The following MIER2 variants were observed in gnomAD, a reference collection of about 807,000 sequenced individuals.
MIER2 encodes the protein MIER family member 2, also known as mesoderm induction early response protein 2.
In MIER2, 30 loss-of-function variants were observed where a neutral mutation model predicts 67.6. That is an observed-to-expected ratio of 0.44 (90% CI 0.33 to 0.60). The LOEUF is 0.60. MIER2 is among the 20% of genes least tolerant of loss of function. The pLI is 0.02. For synonymous variants in MIER2, 372 were observed against 312.6 expected (o/e 1.19, Z -2.00); for missense variants, 702 against 745.1 (o/e 0.94, Z 0.67).
chr19:309,832 A>C (rs938359036), intron 10 of MIER2, among the ~76,000 whole-genome samples: 7 of 129,782 alleles, frequency 5.4e-5, no homozygotes, highest in African/African-American at 2.1e-4. Context: ...GAAGGGACAC[A>C]CACACACACG....
intron 7 of MIER2, 135 bp from the exon 8 acceptor site, chr19:313,778 C>G: frequency 7.9e-7 from 1 of 1,260,002 alleles, no homozygotes; most frequent in Non-Finnish European, 1.1e-6. Flanking sequence ...AAGCCCTGGG[C>G]CGCCATCCCT....
At chr19:339,495 C>A (rs569664116) in intron 1 of MIER2, among the ~76,000 whole-genome samples, 2 of 152,214 alleles carry the variant, frequency 1.3e-5, no homozygotes, top group African/African-American at 4.8e-5. Context: ...TGTGCCCTGC[C>A]GGTGGGAATG....
chr19:329,619 T>C (rs973703034), intron 3 of MIER2, among the ~76,000 whole-genome samples: 5 of 152,200 alleles, frequency 3.3e-5, no homozygotes, highest in Admixed American at 6.5e-5. Flanking sequence ...CCGGGCAGGA[T>C]GGCTCATGCC....
chr19:309,773 G>T (rs1322973233), intron 10 of MIER2, among the ~76,000 whole-genome samples: 2 of 124,770 alleles, frequency 1.6e-5, no homozygotes, highest in African/African-American at 6.6e-5. Flanking sequence ...AGGCTTCAGG[G>T]AGACGAGAAG....
At chr19:316,293 G>A (rs1038352366) in intron 7 of MIER2, among the ~76,000 whole-genome samples, 11 of 149,514 alleles carry the variant, frequency 7.4e-5, no homozygotes, top group African/African-American at 2.8e-4. Flanking sequence ...CTTGTGATAT[G>A]TAGATTTTTT....
intron 3 of MIER2, among the ~76,000 whole-genome samples, chr19:332,730 G>A (rs1270203581): frequency 9.4e-4 from 103 of 109,140 alleles, no homozygotes; most frequent in Non-Finnish European, 1.5e-3. Context: ...CACTGCATCC[G>A]GCCAATTTAC....
chr19:338,019 A>G (rs1972341108), intron 1 of MIER2, among the ~76,000 whole-genome samples: 1 of 151,448 alleles, frequency 6.6e-6, no homozygotes, highest in African/African-American at 2.4e-5. Flanking sequence ...TAAAAATGTA[A>G]AAATTAGCTG....
rs756746882 is a variant in MIER2 at position 326,577 on chromosome 19, T to C, written c.515A>G (p.Asp172Gly). Residue 172 changes from aspartate to glycine, a missense_variant, in exon 6 of 14, where the codon GAC (aspartate) becomes GGC (glycine). By Grantham distance (94) the Asp-to-Gly change is moderately conservative. This residue lies in a region of MIER2 where 320 missense variants were observed against 292.6 expected (regional missense o/e 1.09). Coordinates refer to ENST00000264819, the MANE Select transcript of MIER2 (RefSeq NM_017550.3). ...RSGSRFLADE[D>G]REPGSSASSD... is the part of the protein sequence containing the mutation. ...GGAGGCAGAAGAGCCAGGCTCTCTGTCTTCATCAGCCAGGAAACGAGCTTT... is the reference window on the plus strand; with the variant it reads ...GGAGGCAGAAGAGCCAGGCTCTCTGCCTTCATCAGCCAGGAAACGAGCTTT... 1 of 1,614,100 alleles carries C rather than the reference T, an allele frequency of 6.2e-7. No homozygotes were observed. The highest frequency in any genetic ancestry group is 1.7e-5 in the Admixed American group (1 of 60,012).
At chr19:330,854 G>A (rs187704471) in intron 3 of MIER2, among the ~76,000 whole-genome samples, 6 of 152,258 alleles carry the variant, frequency 3.9e-5, no homozygotes, top group South Asian at 2.1e-4. Flanking sequence ...CTCTTGACCT[G>A]TGAGGTTCAC....
At chr19:318,048 A>G (rs547093808) in intron 7 of MIER2, among the ~76,000 whole-genome samples, 17 of 151,726 alleles carry the variant, frequency 1.1e-4, no homozygotes, top group African/African-American at 4.1e-4. Context: ...TACTAAAAAT[A>G]CAAAACTTAG....
At chr19:325,409 G>A (rs1374199574) in intron 7 of MIER2, among the ~76,000 whole-genome samples, 2 of 152,150 alleles carry the variant, frequency 1.3e-5, no homozygotes, top group Non-Finnish European at 2.9e-5. Flanking sequence ...GGCTGCACAG[G>A]CTGACCAGAG....
At chr19:322,145 T>C (rs140044624) in intron 7 of MIER2, among the ~76,000 whole-genome samples, 1 of 152,138 alleles carries the variant, frequency 6.6e-6, no homozygotes, top group African/African-American at 2.4e-5. Flanking sequence ...CCTCAAGTTA[T>C]CCTCCCACCT....
intron 1 of MIER2, among the ~76,000 whole-genome samples, chr19:340,843 G>A (rs972738674): frequency 1.3e-5 from 2 of 152,132 alleles, no homozygotes; most frequent in Non-Finnish European, 2.9e-5. Context: ...GTTTAGCTCC[G>A]TGGTGGCAGA....
intron 2 of MIER2, 116 bp from the exon 3 acceptor site, chr19:334,658 G>A (rs1972162117): frequency 7.1e-7 from 1 of 1,401,066 alleles, no homozygotes; most frequent in Non-Finnish European, 9.5e-7. Context: ...ATGCTGCCAG[G>A]ATCAGCCTCA....
At chr19:336,920 G>A (rs979327463) in intron 1 of MIER2, among the ~76,000 whole-genome samples, 6 of 151,942 alleles carry the variant, frequency 3.9e-5, no homozygotes, top group African/African-American at 1.5e-4. Context: ...TTGGCTCACT[G>A]CAACCTCTGC....
intron 7 of MIER2, among the ~76,000 whole-genome samples, chr19:321,296 T>A (rs562087041): frequency 6.6e-6 from 1 of 152,270 alleles, no homozygotes; most frequent in South Asian, 2.1e-4. Flanking sequence ...GAGAGAACAC[T>A]TCATGGCCAG....
chr19:319,540 C>A (rs1971410742), intron 7 of MIER2, among the ~76,000 whole-genome samples: 1 of 152,180 alleles, frequency 6.6e-6, no homozygotes, highest in Non-Finnish European at 1.5e-5. Flanking sequence ...CTCACTGCAA[C>A]CGCTGCCTCC....
intron 10 of MIER2, among the ~76,000 whole-genome samples, chr19:311,078 C>A (rs1970979477): frequency 6.6e-6 from 1 of 152,254 alleles, no homozygotes; most frequent in South Asian, 2.1e-4. Flanking sequence ...CTCACCCAAG[C>A]CCTTCAGTGG....
intron 8 of MIER2, among the ~76,000 whole-genome samples, chr19:313,044 A>T (rs368905161): frequency 3.6e-5 from 1 of 27,594 alleles, no homozygotes; most frequent in Non-Finnish European, 8.1e-5. Flanking sequence ...CCAGGGAGTG[A>T]CATCAGGGGC....
Sources: gnomAD v4.1 joint callset for allele counts (sites outside exome capture counted in the v4.1 genomes callset) on GRCh38, gnomAD v4.1.1 for gene constraint, gnomAD v4.1.1 regional missense constraint, MANE v1.5 for transcripts, NCBI Gene and HGNC (gene_info 2026-07-23, HGNC 2026-07-21) for gene names.